ERCC6L2: variants seen among roughly 807,000 people sequenced by gnomAD.
ERCC6L2 encodes the protein DNA excision repair protein ERCC-6-like 2.
ERCC6L2 carries 77 observed loss-of-function variants against 132.0 expected under a neutral mutation model. That is an observed-to-expected ratio of 0.58 (90% CI 0.49 to 0.71). The LOEUF (loss-of-function observed/expected upper bound fraction) is 0.71, where lower values mean the gene tolerates loss of function less well. Among genes scored for constraint, ERCC6L2 ranks in the 30% least tolerant of loss-of-function variants. The pLI, the probability that ERCC6L2 is intolerant of heterozygous loss-of-function variation, is 0.00. For synonymous variants in ERCC6L2, 583 were observed against 632.4 expected (o/e 0.92, Z 1.17); for missense variants, 1,542 against 1,837.6 (o/e 0.84, Z 2.94).
chr9:95,973,398 A>G (rs1355984590), intron 16 of ERCC6L2, among the ~76,000 whole-genome samples: 1 of 152,168 alleles, frequency 6.6e-6, no homozygotes, highest in Non-Finnish European at 1.5e-5. Context: ...TTATCACCAA[A>G]TGTGCATCCC....
At chr9:95,909,982 T>G (rs562648697) in intron 4 of ERCC6L2, among the ~76,000 whole-genome samples, 2 of 152,344 alleles carry the variant, frequency 1.3e-5, no homozygotes, top group South Asian at 4.1e-4. Context: ...AGTAGATGTG[T>G]AGTAGTATCT....
intron 19 of ERCC6L2, among the ~76,000 whole-genome samples, chr9:96,038,346 C>T (rs1187463611): frequency 6.6e-6 from 1 of 152,056 alleles, no homozygotes; most frequent in Non-Finnish European, 1.5e-5. Flanking sequence ...CCCTCTTCCC[C>T]CGAAGTATGT....
intron 17 of ERCC6L2, among the ~76,000 whole-genome samples, chr9:95,990,945 G>A (rs940936554): frequency 9.2e-5 from 14 of 152,154 alleles, no homozygotes; most frequent in African/African-American, 3.4e-4. Context: ...AGAAAGGGAG[G>A]CTGGAAAGGG....
chr9:95,947,441 A>G (rs1831115640), intron 12 of ERCC6L2, among the ~76,000 whole-genome samples: 2 of 152,326 alleles, frequency 1.3e-5, no homozygotes, highest in South Asian at 4.1e-4. Context: ...TGTTTAAGGA[A>G]AGCAGCCACC....
Position 95,878,148 on chromosome 9 carries a change from T to G in ERCC6L2, c.46+2064T>G, listed in dbSNP as rs542346801. Among the ~76,000 whole-genome samples the G allele has an allele frequency of 4.9e-4, 75 of 152,368 alleles. No individual in the cohort carries two copies. The South Asian group carries it at 0.015, about 30-fold the overall frequency. ...GGTCTGCAAACTACTGCCTGTGGGCTAAAACTGGTCTGACACTTTTTTTTG... is the reference window on the plus strand; with the variant it reads ...GGTCTGCAAACTACTGCCTGTGGGCGAAAACTGGTCTGACACTTTTTTTTG... On this transcript the variant is annotated intron_variant, in intron 1 of 18. Coordinates refer to ENST00000653738, the MANE Select transcript of ERCC6L2 (RefSeq NM_020207.7).
chr9:95,913,224 T>C (rs1413389748), intron 4 of ERCC6L2, among the ~76,000 whole-genome samples: 1 of 152,204 alleles, frequency 6.6e-6, no homozygotes, highest in Non-Finnish European at 1.5e-5. Flanking sequence ...GGCAAAATAA[T>C]ATTTTTCTAA....
At chr9:96,029,977 C>T (rs1156745418) in intron 19 of ERCC6L2, among the ~76,000 whole-genome samples, 1 of 152,184 alleles carries the variant, frequency 6.6e-6, no homozygotes, top group African/African-American at 2.4e-5. Context: ...TTTTACACTT[C>T]CAGGAGGCAG....
At chr9:95,922,766 A>G (rs1829931278) in intron 8 of ERCC6L2, among the ~76,000 whole-genome samples, 1 of 152,156 alleles carries the variant, frequency 6.6e-6, no homozygotes, top group African/African-American at 2.4e-5. Context: ...TAAAATGAGG[A>G]TTTATAATAA....
intron 17 of ERCC6L2, among the ~76,000 whole-genome samples, chr9:95,986,221 G>T (rs1193427392): frequency 6.6e-6 from 1 of 152,104 alleles, no homozygotes; most frequent in Non-Finnish European, 1.5e-5. Flanking sequence ...GCAGGCAATA[G>T]AATAACCATC....
In ERCC6L2 at chr9:95,966,597, C is replaced by T. The variant is rs2133053163; in HGVS notation, c.1983C>T (p.Ala661=). ...GTGTGGTGGTTGGAAGTGAAAATGC[C>T]AAACGATATTTTGAAGCAGTTCAAG... ...LHCVVVGSEN[A]KRYFEAVQGS... is the part of the protein sequence containing the mutation. The change falls in exon 14 of 19, where the codon GCC becomes GCT. Residue 661 remains alanine, a synonymous_variant. Transcript: ENST00000653738. 2.0e-6 allele frequency: 3 copies of T among 1,527,712 alleles called. No individual in the cohort carries two copies. The highest frequency in any genetic ancestry group is 2.6e-5 in the South Asian group (2 of 78,176). The allele number at this position is 1,527,712 out of a possible 1,614,324, so 94.6% of individuals were successfully genotyped here. A position where few individuals can be genotyped will look rare whatever the true frequency, so the allele number is the denominator to read the frequency against.
chr9:95,938,196 T>C (rs1233887895), intron 11 of ERCC6L2, among the ~76,000 whole-genome samples: 1 of 152,086 alleles, frequency 6.6e-6, no homozygotes, highest in Non-Finnish European at 1.5e-5. Flanking sequence ...ATACTCAGTA[T>C]AATACCATTA....
rs1486689199 is a variant in ERCC6L2, at chr9:95,973,043, G to A, written c.3292G>A (p.Val1098Ile). The change falls in exon 16 of 19, where the codon GTT becomes ATT. Residue 1098 changes from valine to isoleucine, a missense_variant. This residue lies in a region of ERCC6L2 where 442 missense variants were observed against 583.4 expected (regional missense o/e 0.76). Coordinates refer to ENST00000653738, the MANE Select transcript of ERCC6L2 (RefSeq NM_020207.7). Reference protein sequence around the residue: ...RKPMKCSNEKVVNQEQSYESM... With the variant: ...RKPMKCSNEKIVNQEQSYESM... Reference sequence around the variant, plus strand: ...ACCAATGAAATGTTCAAATGAGAAAGTTGTTAATCAAGAGCAGTCGTATGA... The same window carrying A: ...ACCAATGAAATGTTCAAATGAGAAAATTGTTAATCAAGAGCAGTCGTATGA... The A allele has an allele frequency of 7.3e-7, 1 of 1,361,770 alleles. No homozygotes were observed. Among genetic ancestry groups the A allele is most frequent in the Non-Finnish European group, 9.8e-7 (1 of 1,019,838 alleles). The allele number at this position is 1,361,770 out of a possible 1,614,324, so 84.4% of individuals were successfully genotyped here.
In ERCC6L2 at chr9:95,939,414, C is replaced by T. The variant is rs147429750; in HGVS notation, c.1752-2040C>T. 2.0e-3 allele frequency among the ~76,000 whole-genome samples: 304 copies of T among 152,120 alleles called. 1 individual carries two copies. Among genetic ancestry groups the T allele is most frequent in the Middle Eastern group, 0.014 (4 of 294 alleles). ...TTTCCCTTTCTGAAGGATATTTTCA[C>T]TGAGTATAGAATTCTGGGTTGACAG... On this transcript the variant is annotated intron_variant, in intron 11 of 18. Coordinates refer to ENST00000653738, the MANE Select transcript of ERCC6L2 (RefSeq NM_020207.7).
intron 17 of ERCC6L2, among the ~76,000 whole-genome samples, chr9:95,997,010 A>T (rs1833493412): frequency 6.6e-6 from 1 of 152,204 alleles, no homozygotes; most frequent in South Asian, 2.1e-4. Context: ...ACCTGGGAGA[A>T]TCACTTGAAA....
At chr9:96,009,187 G>A (rs689702) in intron 18 of ERCC6L2, among the ~76,000 whole-genome samples, 65,772 of 152,038 alleles carry the variant, frequency 0.43, 14,446 homozygotes, top group African/African-American at 0.48. Flanking sequence ...TGCTGCATAC[G>A]CATCTTGAGC....
At chr9:96,022,003 CGCAGGTCGGCCCT>C (rs934251357), downstream of ERCC6L2, among the ~76,000 whole-genome samples, 35 of 152,320 alleles carry the variant, frequency 2.3e-4, no homozygotes, top group Middle Eastern at 0.01. Context: ...ACGCCCACCC[CGCAGGTCGGCCCT>C]GCAGCTGCCT....
chr9:96,038,999 A>T (rs1036364620), exon 20 of ERCC6L2: 15 of 451,686 alleles, frequency 3.3e-5, no homozygotes, highest in Non-Finnish European at 5.8e-5. Context: ...ACAGCCGTGG[A>T]GATGAACCAC....
intron 12 of ERCC6L2, among the ~76,000 whole-genome samples, chr9:95,945,889 C>G (rs1438219840): frequency 6.6e-6 from 1 of 151,882 alleles, no homozygotes; most frequent in Non-Finnish European, 1.5e-5. Flanking sequence ...TATGTTGAAA[C>G]TTTTTTTAGA....
intron 2 of ERCC6L2, among the ~76,000 whole-genome samples, chr9:95,885,781 T>C (rs1448355792): frequency 6.6e-6 from 1 of 152,122 alleles, no homozygotes; most frequent in African/African-American, 2.4e-5. Context: ...GTTAGGATTG[T>C]AAATTCCGGG....
Sources: allele counts gnomAD v4.1 joint callset (sites outside exome capture counted in the v4.1 genomes callset), GRCh38; gene constraint gnomAD v4.1.1; regional missense constraint gnomAD v4.1.1; transcripts MANE v1.5; gene names NCBI Gene and HGNC (gene_info 2026-07-23, HGNC 2026-07-21).